RAD54L2: variants seen among roughly 807,000 people sequenced by gnomAD.
The protein encoded by RAD54L2 is helicase ARIP4.
In RAD54L2, 27 loss-of-function variants were observed where a neutral mutation model predicts 138.4. The observed-to-expected ratio is 0.20, with a 90% CI of 0.14 to 0.27. The LOEUF (loss-of-function observed/expected upper bound fraction) is 0.27, where lower values mean the gene tolerates loss of function less well. RAD54L2 is among the 10% of genes least tolerant of loss of function. The pLI, the probability that RAD54L2 is intolerant of heterozygous loss-of-function variation, is 1.00. For synonymous variants in RAD54L2, 644 were observed against 723.2 expected, an observed-to-expected ratio of 0.89 and a Z score of 1.76; for missense variants, 1,396 against 1,890.2, an observed-to-expected ratio of 0.74 and a Z score of 4.85.
chr3:51,641,689 A>G, intron 14 of RAD54L2, 60 bp from the exon 15 acceptor site: 3 of 1,144,674 alleles, frequency 2.6e-6, no homozygotes, highest in Non-Finnish European at 3.8e-6. Context: ...GTATGGACCT[A>G]TTGGGAACAA....
At chr3:51,556,914 T>C (rs1406853300) in intron 2 of RAD54L2, among the ~76,000 whole-genome samples, 3 of 152,084 alleles carry the variant, frequency 2.0e-5, no homozygotes, top group Non-Finnish European at 4.4e-5. Context: ...GGCTTGGTCC[T>C]GCATTCCTCC....
At chr3:51,575,188 T>A (rs2106673997) in intron 2 of RAD54L2, among the ~76,000 whole-genome samples, 1 of 152,350 alleles carries the variant, frequency 6.6e-6, no homozygotes, top group East Asian at 1.9e-4. Flanking sequence ...GAGGGCTCTG[T>A]TCTGTTCCAT....
At chr3:51,554,600 A>T (rs376732295) in intron 2 of RAD54L2, among the ~76,000 whole-genome samples, 2 of 152,158 alleles carry the variant, frequency 1.3e-5, no homozygotes, top group Admixed American at 1.3e-4. Context: ...TTTCTTTGCT[A>T]TATTTTGAAA....
chr3:51,590,683 A>G, intron 3 of RAD54L2, 124 bp downstream of exon 3: 2 of 1,280,988 alleles, frequency 1.6e-6, no homozygotes, highest in Non-Finnish European at 2.2e-6. Context: ...GATACAGACT[A>G]GGAACTGAGA....
chr3:51,570,582 G>C (rs886932699), intron 2 of RAD54L2, among the ~76,000 whole-genome samples: 1 of 151,716 alleles, frequency 6.6e-6, no homozygotes, highest in Non-Finnish European at 1.5e-5. Context: ...TCAGCCTCCC[G>C]AGTAGCTGGG....
Position 51,630,817 on chromosome 3 carries a change from T to C in RAD54L2, c.711T>C (p.Asp237=), listed in dbSNP as rs377559176. The C allele has an allele frequency of 1.3e-5, 21 of 1,614,036 alleles. No individual in the cohort carries two copies. The South Asian group carries it at 2.0e-4, about 15-fold the overall frequency. Residue 237 remains aspartate (D), a synonymous_variant, in exon 7 of 23, where the codon GAT becomes GAC. Coordinates refer to ENST00000684192, the MANE Select transcript of RAD54L2 (RefSeq NM_015106.4). ...EEEKGGTHVN[D]VLNQRDALGR... ...AGAAGGGTGGCACCCATGTCAATGATGTCTTAAACCAGCGTGACGCCCTTG... is the reference window on the plus strand; with the variant it reads ...AGAAGGGTGGCACCCATGTCAATGACGTCTTAAACCAGCGTGACGCCCTTG...
chr3:51,638,496 A>G lies in RAD54L2; in HGVS notation c.1860+175A>G. 1 of 700,300 alleles carries G rather than the reference A, an allele frequency of 1.4e-6. No homozygotes were observed. The highest frequency in any genetic ancestry group is 2.3e-6 in the Non-Finnish European group (1 of 430,130). The allele number at this position is 700,300 out of a possible 1,614,324, so 43.4% of individuals were successfully genotyped here. A position where few individuals can be genotyped will look rare whatever the true frequency, so the allele number is the denominator to read the frequency against. On this transcript the variant is annotated intron_variant, in intron 12 of 22. Coordinates refer to ENST00000684192, the MANE Select transcript of RAD54L2 (RefSeq NM_015106.4). The surrounding 1 kb of genome is among the most constrained non-coding windows in gnomAD (Gnocchi z 4.3). The stretch of plus-strand genomic sequence containing the variant: ...AGGAGAGAGGTGATGGTTTTGTACC[A>G]CATAACTCCTGGGGGTGCCATTCAC...
At position 51,630,942 on chromosome 3, in the gene RAD54L2, C is replaced by A; in HGVS notation, c.825+11C>A. The A allele has an allele frequency of 6.3e-7, 1 of 1,595,018 alleles. No individual in the cohort carries two copies. The highest frequency in any genetic ancestry group is 8.6e-7 in the Non-Finnish European group (1 of 1,163,994). The stretch of plus-strand genomic sequence containing the variant: ...GTGAAACCTCATCAGGTACAGCAAA[C>A]CTTGACTGTTTTCTCCTTTTCCTTT... On this transcript the variant is annotated intron_variant, in intron 7 of 22. Transcript: ENST00000684192.
intron 3 of RAD54L2, among the ~76,000 whole-genome samples, chr3:51,617,922 AAAT>A (rs1700484264): frequency 6.6e-6 from 1 of 152,084 alleles, no homozygotes; most frequent in South Asian, 2.1e-4. Context: ...AATATATAAT[AAAT>A]AATGTATATT....
At chr3:51,632,783 T>G (rs1700881859) in intron 7 of RAD54L2, among the ~76,000 whole-genome samples, 1 of 151,428 alleles carries the variant, frequency 6.6e-6, no homozygotes, top group South Asian at 2.1e-4. Context: ...TCCCAGCTAC[T>G]CTGGAGGCTG....
rs1192296350 is a variant in RAD54L2 at position 51,623,952 on chromosome 3, C to T, written c.140-3601C>T. On this transcript the variant is annotated intron_variant, in intron 3 of 22. Transcript: ENST00000684192. ...AGATTGCGCCACACTGCAGTCCAGC[C>T]TGGGTGACACAGCGAGACTCCGTCT... Among the ~76,000 whole-genome samples the T allele has an allele frequency of 3.5e-5, 5 of 142,438 alleles. No homozygotes were observed. In the Admixed American group the frequency reaches 3.7e-4, roughly 11 times the overall value. 93.4% of individuals were successfully genotyped at this position (142,438 alleles called of 152,430 possible).
At chr3:51,588,528 GCA>G in intron 2 of RAD54L2, among the ~76,000 whole-genome samples, 2 of 108,884 alleles carry the variant, frequency 1.8e-5, no homozygotes, top group African/African-American at 3.7e-5. Context: ...GAGTGAAACT[GCA>G]TCTCAAAAAA....
rs561444166 is a variant in RAD54L2 at position 51,647,928 on chromosome 3, A to G, written c.3026+1447A>G. Among the ~76,000 whole-genome samples the G allele has an allele frequency of 2.0e-5, 3 of 152,316 alleles. No individual in the cohort carries two copies. The East Asian group carries it at 5.8e-4, about 29-fold the overall frequency. The stretch of plus-strand genomic sequence containing the variant: ...CATTTCCAACTGAGGTACCTGATTC[A>G]TCTCACTGGGACTGGTTAGACAATG... On this transcript the variant is annotated intron_variant, in intron 19 of 22. Transcript: ENST00000684192.
intron 3 of RAD54L2, among the ~76,000 whole-genome samples, chr3:51,626,949 C>T (rs1469821793): frequency 6.6e-6 from 1 of 152,134 alleles, no homozygotes; most frequent in Non-Finnish European, 1.5e-5. Context: ...CATGTTGAGT[C>T]TGTGTTTGTA....
At chr3:51,605,328 A>G (rs781424237) in intron 3 of RAD54L2, among the ~76,000 whole-genome samples, 18 of 151,480 alleles carry the variant, frequency 1.2e-4, no homozygotes, top group Admixed American at 4.6e-4. Flanking sequence ...ACCTCGAGTA[A>G]TCCACCCACC....
At chr3:51,656,641 C>G (rs1701607932) in intron 20 of RAD54L2, among the ~76,000 whole-genome samples, 1 of 152,172 alleles carries the variant, frequency 6.6e-6, no homozygotes, top group African/African-American at 2.4e-5. Flanking sequence ...GTAGCCAACC[C>G]ATCCACTCCA....
chr3:51,637,678 G>C lies in RAD54L2; in HGVS notation c.1682+175G>C, dbSNP rs546764965. On this transcript the variant is annotated intron_variant, in intron 11 of 22. Transcript: ENST00000684192. The surrounding 1 kb of genome is among the most constrained non-coding windows in gnomAD (Gnocchi z 5.9). ...CAGATGGTGGATATCCACTGTTTCA[G>C]TTCTCTGAAAGTTTGGCCTAGAAGT... Among the ~76,000 whole-genome samples the C allele has an allele frequency of 6.6e-6, 1 of 152,214 alleles. No individual in the cohort carries two copies. Among genetic ancestry groups the C allele is most frequent in the East Asian group, 1.9e-4 (1 of 5,194 alleles).
At chr3:51,558,594 C>T (rs1181344593) in intron 2 of RAD54L2, among the ~76,000 whole-genome samples, 1 of 151,956 alleles carries the variant, frequency 6.6e-6, no homozygotes, top group East Asian at 1.9e-4. Flanking sequence ...CCTTAGCCTC[C>T]CAAGTAGCTG....
intron 7 of RAD54L2, 128 bp from the exon 8 acceptor site, chr3:51,633,449 G>A: frequency 1.1e-6 from 1 of 884,406 alleles, no homozygotes; most frequent in Non-Finnish European, 1.7e-6. Flanking sequence ...ATCTTCTATG[G>A]CCATCCACAC....
Sources: gnomAD v4.1 joint callset for allele counts (sites outside exome capture counted in the v4.1 genomes callset) on GRCh38, gnomAD v4.1.1 for gene constraint, Gnocchi (gnomAD v3.1) non-coding constraint, MANE v1.5 for transcripts, NCBI Gene and HGNC (gene_info 2026-07-23, HGNC 2026-07-21) for gene names.